MIGA1: variants seen among roughly 807,000 people sequenced by gnomAD.
The protein encoded by MIGA1 is mitoguardin 1, also known as family with sequence similarity 73, member A.
Under a neutral mutation model 82.0 loss-of-function variants are expected in MIGA1, and 58 were observed. That is an observed-to-expected ratio of 0.71 (90% CI 0.57 to 0.88). The LOEUF is 0.88. Among genes scored for constraint, MIGA1 ranks in the 40% least tolerant of loss-of-function variants. MIGA1 has a pLI of 0.00. For missense variants in MIGA1, 751 were observed against 749.1 expected, an observed-to-expected ratio of 1.00 and a Z score of -0.03; for synonymous variants, 249 against 253.6, an observed-to-expected ratio of 0.98 and a Z score of 0.17.
At chr1:77,817,412 T>G (rs995871489) in intron 7 of MIGA1, among the ~76,000 whole-genome samples, 1 of 152,176 alleles carries the variant, frequency 6.6e-6, no homozygotes, top group Admixed American at 6.5e-5. Context: ...TCCATGCACT[T>G]AGTTAGCTTA....
At chr1:77,830,276 A>G (rs928047495) in intron 7 of MIGA1, among the ~76,000 whole-genome samples, 5 of 152,042 alleles carry the variant, frequency 3.3e-5, no homozygotes, top group African/African-American at 1.2e-4. Context: ...ATCTTTCATA[A>G]TGTTTTATAA....
intron 7 of MIGA1, among the ~76,000 whole-genome samples, chr1:77,825,013 G>T (rs1350036358): frequency 2.5e-5 from 3 of 119,926 alleles, no homozygotes; most frequent in Admixed American, 1.2e-4. Context: ...TTTTGAGATA[G>T]GGCCTTGCTC....
chr1:77,858,368 T>G (rs1685341981), intron 8 of MIGA1, among the ~76,000 whole-genome samples: 2 of 151,984 alleles, frequency 1.3e-5, no homozygotes, highest in Non-Finnish European at 2.9e-5. Context: ...GATACAGTAT[T>G]GGTTTTCTGT....
chr1:77,877,692 A>C lies in MIGA1; in HGVS notation c.*2628A>C, dbSNP rs976355677. The C allele has an allele frequency of 3.3e-5, 5 of 152,658 alleles. No homozygotes were observed. Among genetic ancestry groups the C allele is most frequent in the African/African-American group, 1.2e-4 (5 of 41,448 alleles). 9.5% of individuals were successfully genotyped at this position (152,658 alleles called of 1,614,324 possible). A position where few individuals can be genotyped will look rare whatever the true frequency, so the allele number is the denominator to read the frequency against. On this transcript the variant is annotated 3_prime_UTR_variant, in exon 16 of 16. Transcript: ENST00000370791. ...GTAAGTAAATGTAATTTATTTTAGA[A>C]AGATATTATTTGAAATCAATTTTGA...
Position 77,807,101 on chromosome 1 carries a change from G to T in MIGA1, c.637G>T (p.Gly213Cys), listed in dbSNP as rs2101771307. The change falls in exon 5 of 16, where the codon GGT becomes TGT. Residue 213 changes from glycine (G) to cysteine (C), a missense_variant and splice_region_variant. This residue lies in a region of MIGA1 where 482 missense variants were observed against 439.4 expected (regional missense o/e 1.10). Transcript: ENST00000370791. ...TACTCCAGAGAACTTATACTTAATG[G>T]GTAGGAATGAGATGATAACATTTTA... The T allele has an allele frequency of 1.3e-6, 2 of 1,573,346 alleles. No homozygotes were observed. The highest frequency in any genetic ancestry group is 1.2e-5 in the South Asian group (1 of 86,728).
At position 77,813,784 on chromosome 1, in the gene MIGA1, T is replaced by G. The variant is rs759234315; in HGVS notation, c.688T>G (p.Phe230Val). 1.9e-6 allele frequency: 3 copies of G among 1,614,238 alleles called. No individual in the cohort carries two copies. Among genetic ancestry groups the G allele is most frequent in the African/African-American group, 2.7e-5 (2 of 75,076 alleles). ...GCGTCGATGGGAACAAGCTCTGACC[T>G]TTCGCAATAGACAGGCTGAAGATGA... Residue 230 changes from phenylalanine to valine, a missense_variant, in exon 6 of 16, where the codon TTT becomes GTT. Transcript: ENST00000370791.
intron 14 of MIGA1, among the ~76,000 whole-genome samples, chr1:77,871,503 G>GAAA (rs929717352): frequency 3.5e-5 from 5 of 142,294 alleles, no homozygotes; most frequent in Non-Finnish European, 7.7e-5. Flanking sequence ...CTCCGTCTCA[G>GAAA]AAAAAAAAAA....
chr1:77,843,637 A>G (rs74092307), intron 8 of MIGA1, among the ~76,000 whole-genome samples: 3 of 152,208 alleles, frequency 2.0e-5, no homozygotes, highest in Non-Finnish European at 4.4e-5. Flanking sequence ...GGGCACTTTC[A>G]TATACTGTAG....
At chr1:77,849,012 A>T (rs532661797) in intron 8 of MIGA1, among the ~76,000 whole-genome samples, 2 of 152,270 alleles carry the variant, frequency 1.3e-5, no homozygotes, top group East Asian at 3.9e-4. Flanking sequence ...GTATGTACTT[A>T]TCAATACCAC....
intron 2 of MIGA1, among the ~76,000 whole-genome samples, chr1:77,793,558 C>T (rs993850068): frequency 6.5e-4 from 98 of 151,810 alleles, no homozygotes; most frequent in African/African-American, 2.2e-3. Context: ...CTCCCAGGCT[C>T]AAGTGATTCT....
In MIGA1 at chr1:77,786,641, T is replaced by G. The variant is rs191389926; in HGVS notation, c.195+3290T>G. On this transcript the variant is annotated intron_variant, in intron 2 of 15. Coordinates refer to ENST00000370791, the MANE Select transcript of MIGA1 (RefSeq NM_198549.4). ...AGGGGCAAAATGCCACCAGTCTCTT[T>G]GCTAAAATATAGTAAGAGTCACCTT... is the stretch of plus-strand genomic sequence containing the variant. 5.0e-3 allele frequency among the ~76,000 whole-genome samples: 756 copies of G among 152,366 alleles called. 2 individuals are homozygous for G. The highest frequency in any genetic ancestry group is 8.5e-3 in the Non-Finnish European group (579 of 68,036).
intron 7 of MIGA1, among the ~76,000 whole-genome samples, chr1:77,826,790 T>C (rs1684042012): frequency 6.6e-6 from 1 of 151,682 alleles, no homozygotes; most frequent in African/African-American, 2.4e-5. Context: ...TCTGAATAAA[T>C]TAAGAACACA....
chr1:77,779,782 A>T (rs779903128), intron 1 of MIGA1, 46 bp downstream of exon 1: 8 of 1,517,368 alleles, frequency 5.3e-6, no homozygotes. Context: ...GGCGGGAGGA[A>T]GCGGAGAGTT....
At chr1:77,847,147 A>G in intron 8 of MIGA1, 1 of 1,225,994 alleles carries the variant, frequency 8.2e-7, no homozygotes, top group Non-Finnish European at 1.2e-6. Context: ...TATTTTGCCA[A>G]AGAAAACACA....
At chr1:77,848,307 A>G in intron 8 of MIGA1, 1 of 1,309,048 alleles carries the variant, frequency 7.6e-7, no homozygotes. Flanking sequence ...CAAAGAGAAC[A>G]AGAAAGAGAG....
In MIGA1 at chr1:77,785,941, G is replaced by A. The variant is rs116031194; in HGVS notation, c.195+2590G>A. On this transcript the variant is annotated intron_variant, in intron 2 of 15. Transcript: ENST00000370791. ...AGTAGGGACTCTGTGTGGGGCCTCC[G>A]ACTCCATGTTTCCCTTCTGTACTGC... is the stretch of plus-strand genomic sequence containing the variant. Among the ~76,000 whole-genome samples, 816 of 152,288 alleles carry A rather than the reference G, an allele frequency of 5.4e-3. 7 individuals carry two copies. Among genetic ancestry groups the A allele is most frequent in the African/African-American group, 0.018 (754 of 41,552 alleles).
At chr1:77,790,434 T>C (rs1019630101) in intron 2 of MIGA1, among the ~76,000 whole-genome samples, 1 of 151,994 alleles carries the variant, frequency 6.6e-6, no homozygotes, top group Non-Finnish European at 1.5e-5. Context: ...ACCCGGCTAA[T>C]TTTTTGTATT....
At chr1:77,811,240 G>A in intron 5 of MIGA1, 1 of 1,567,424 alleles carries the variant, frequency 6.4e-7, no homozygotes, top group Non-Finnish European at 8.8e-7. Flanking sequence ...GCACTGCCCA[G>A]CATCTTTCAA....
chr1:77,858,979 G>T lies in MIGA1; in HGVS notation c.1038G>T (p.Glu346Asp). The T allele has an allele frequency of 6.2e-7, 1 of 1,613,972 alleles. No homozygotes were observed. The highest frequency in any genetic ancestry group is 8.5e-7 in the Non-Finnish European group (1 of 1,179,882). Residue 346 changes from glutamate (E) to aspartate (D), a missense_variant, in exon 9 of 16, where the codon GAG (glutamate) becomes GAT (aspartate). Glu to Asp is a conservative substitution (Grantham distance 45, BLOSUM62 2). Around this residue, in one of 3 missense-constraint regions of MIGA1, gnomAD observed 482 missense variants for 439.4 expected, o/e 1.10. Transcript: ENST00000370791. ...AAGTACGGCATACCTACAGCCTGGA[G>T]TCCCTTTGTCACTGCCCATTTTACG...
Sources: gnomAD v4.1 joint callset for allele counts (sites outside exome capture counted in the v4.1 genomes callset) on GRCh38, gnomAD v4.1.1 for gene constraint, gnomAD v4.1.1 regional missense constraint, MANE v1.5 for transcripts, NCBI Gene and HGNC (gene_info 2026-07-23, HGNC 2026-07-21) for gene names.